The following SLC24A3 variants were observed in gnomAD, a reference collection of about 807,000 sequenced individuals.
SLC24A3 encodes sodium/potassium/calcium exchanger 3.
Under a neutral mutation model 75.8 loss-of-function variants are expected in SLC24A3, and 28 were observed. The ratio of observed to expected loss-of-function variants is 0.37; its 90% confidence interval spans 0.27 to 0.51. The LOEUF is 0.51. Ranked by LOEUF, SLC24A3 falls within the 20% of genes least tolerant of loss-of-function variation. SLC24A3 has a pLI of 0.94. For synonymous variants in SLC24A3, 372 were observed against 334.1 expected (o/e 1.11, Z -1.24); for missense variants, 663 against 847.8 (o/e 0.78, Z 2.71).
chr20:19,671,672 T>C (rs1030949243), intron 8 of SLC24A3, among the ~76,000 whole-genome samples: 8 of 147,420 alleles, frequency 5.4e-5, no homozygotes, highest in African/African-American at 7.6e-5. Flanking sequence ...TGTTTTTTTG[T>C]TTTAAGGAGG....
intron 12 of SLC24A3, among the ~76,000 whole-genome samples, chr20:19,689,857 C>T (rs1568699244): frequency 6.6e-6 from 1 of 151,778 alleles, no homozygotes; most frequent in Admixed American, 6.6e-5. Flanking sequence ...ATGGCAAAAC[C>T]CCATCTCTAC....
At chr20:19,365,535 C>A (rs1985872536) in intron 2 of SLC24A3, among the ~76,000 whole-genome samples, 1 of 152,148 alleles carries the variant, frequency 6.6e-6, no homozygotes, top group Admixed American at 6.5e-5. Flanking sequence ...AGGCAGTGAT[C>A]TGGCTGATAA....
intron 2 of SLC24A3, among the ~76,000 whole-genome samples, chr20:19,300,784 G>A (rs138391449): frequency 6.6e-6 from 1 of 152,222 alleles, no homozygotes; most frequent in East Asian, 1.9e-4. Context: ...TTGCTGCCAA[G>A]TTTTGTGACC....
At chr20:19,718,855 A>G (rs777189507) in intron 16 of SLC24A3, among the ~76,000 whole-genome samples, 3 of 152,238 alleles carry the variant, frequency 2.0e-5, no homozygotes, top group African/African-American at 7.2e-5. Context: ...TAGAGACACC[A>G]TAGTGTAGAT....
chr20:19,581,595 G>A (rs1173115147), intron 4 of SLC24A3, among the ~76,000 whole-genome samples: 2 of 152,162 alleles, frequency 1.3e-5, no homozygotes, highest in Non-Finnish European at 2.9e-5. Context: ...TATTTTACTA[G>A]GTCCCTGATA....
chr20:19,467,063 G>C (rs1030670825), intron 2 of SLC24A3, among the ~76,000 whole-genome samples: 2 of 152,164 alleles, frequency 1.3e-5, no homozygotes, highest in African/African-American at 2.4e-5. Context: ...CGGGCAATCG[G>C]ATATCATTTA....
intron 2 of SLC24A3, among the ~76,000 whole-genome samples, chr20:19,419,043 A>G (rs1171206533): frequency 6.6e-6 from 1 of 152,248 alleles, no homozygotes; most frequent in Non-Finnish European, 1.5e-5. Flanking sequence ...CTGATAAATA[A>G]CAAGAAAGAA....
At chr20:19,413,129 T>C (rs1232456895) in intron 2 of SLC24A3, among the ~76,000 whole-genome samples, 2 of 152,154 alleles carry the variant, frequency 1.3e-5, no homozygotes, top group Admixed American at 6.5e-5. Context: ...TACTTAGTCG[T>C]TGAGAAAGAC....
At chr20:19,459,726 G>A (rs562457013) in intron 2 of SLC24A3, among the ~76,000 whole-genome samples, 1 of 152,090 alleles carries the variant, frequency 6.6e-6, no homozygotes, top group Non-Finnish European at 1.5e-5. Flanking sequence ...GCTGAATATA[G>A]GTTTGTGATC....
intron 6 of SLC24A3, among the ~76,000 whole-genome samples, chr20:19,640,547 CA>C (rs1176688698): frequency 6.6e-6 from 1 of 152,174 alleles, no homozygotes; most frequent in East Asian, 1.9e-4. Flanking sequence ...GTCAGGAGTT[CA>C]AGACCAGCCT....
chr20:19,684,065 A>G (rs905468440), intron 10 of SLC24A3, 111 bp from the exon 11 acceptor site: 139 of 1,242,046 alleles, frequency 1.1e-4, no homozygotes, highest in Non-Finnish European at 1.6e-4. Context: ...GGGTGAATGG[A>G]TGGGAGGAAA....
intron 2 of SLC24A3, among the ~76,000 whole-genome samples, chr20:19,327,000 G>A (rs1049274265): frequency 9.2e-5 from 14 of 152,132 alleles, no homozygotes; most frequent in African/African-American, 3.1e-4. Context: ...AAGAGTTGCG[G>A]CCTTCCCATT....
intron 3 of SLC24A3, among the ~76,000 whole-genome samples, chr20:19,556,555 T>A (rs2030786888): frequency 6.8e-6 from 1 of 147,316 alleles, no homozygotes; most frequent in African/African-American, 2.5e-5. Flanking sequence ...TGTAAAATTG[T>A]CACTGTAGTG....
rs373291599 is a variant in SLC24A3 at position 19,331,415 on chromosome 20, TGGATAGATA to T, written c.271+50335_271+50343del. Among the ~76,000 whole-genome samples the T allele has an allele frequency of 2.9e-3, 439 of 152,046 alleles. 2 individuals are homozygous for T. Among genetic ancestry groups the T allele is most frequent in the African/African-American group, 9.8e-3 (406 of 41,442 alleles). On this transcript the variant is annotated intron_variant, in intron 2 of 16. Transcript: ENST00000328041. ...AGATAGAGTAGATATGATTGATAGA[TGGATAGATA>T]GGATAGTTGGATGAATGCATAGATA...
intron 6 of SLC24A3, among the ~76,000 whole-genome samples, chr20:19,623,395 A>G (rs2031829386): frequency 1.3e-5 from 2 of 152,206 alleles, no homozygotes; most frequent in Admixed American, 1.3e-4. Context: ...CAGGAGCTGC[A>G]AAGGACCATC....
intron 6 of SLC24A3, among the ~76,000 whole-genome samples, chr20:19,631,371 T>C (rs549766155): frequency 1.3e-5 from 2 of 152,220 alleles, no homozygotes; most frequent in East Asian, 3.9e-4. Flanking sequence ...AAAGATATTG[T>C]GAATATTTTG....
chr20:19,324,364 A>C (rs989034429), intron 2 of SLC24A3, among the ~76,000 whole-genome samples: 1 of 152,234 alleles, frequency 6.6e-6, no homozygotes, highest in Non-Finnish European at 1.5e-5. Flanking sequence ...TTTTAACTGC[A>C]GTGAGATTGG....
chr20:19,215,851 G>A (rs1158038741), intron 1 of SLC24A3, among the ~76,000 whole-genome samples: 1 of 152,158 alleles, frequency 6.6e-6, no homozygotes. Context: ...TCAGTATTTG[G>A]TTATATGCAG....
Position 19,301,854 on chromosome 20 carries a change from T to C in SLC24A3, c.271+20767T>C, listed in dbSNP as rs190345639. Among the ~76,000 whole-genome samples, 3 of 152,370 alleles carry C rather than the reference T, an allele frequency of 2.0e-5. No individual in the cohort carries two copies. The East Asian group carries it at 5.8e-4, about 29-fold the overall frequency. On this transcript the variant is annotated intron_variant, in intron 2 of 16. Coordinates refer to ENST00000328041, the MANE Select transcript of SLC24A3 (RefSeq NM_020689.4). The stretch of plus-strand genomic sequence containing the variant: ...ATGTTTGAACAGCTTGTGAAAAGAT[T>C]GGACCTCACTCCGCCCATGTTTAGC...
Sources: allele counts gnomAD v4.1 joint callset (sites outside exome capture counted in the v4.1 genomes callset), GRCh38; gene constraint gnomAD v4.1.1; transcripts MANE v1.5; gene names NCBI Gene and HGNC (gene_info 2026-07-23, HGNC 2026-07-21).